Variants in MTA3 observed in about 807,000 individuals in gnomAD.
MTA3 encodes the protein metastasis associated 1 family member 3, also known as metastasis-associated protein MTA3.
Under a neutral mutation model 83.5 loss-of-function variants are expected in MTA3, and 34 were observed. The observed-to-expected ratio is 0.41, with a 90% CI of 0.31 to 0.54. The LOEUF (loss-of-function observed/expected upper bound fraction) is 0.54, where lower values mean the gene tolerates loss of function less well. Among genes scored for constraint, MTA3 ranks in the 20% least tolerant of loss-of-function variants. The pLI, the probability that MTA3 is intolerant of heterozygous loss-of-function variation, is 0.33. For synonymous variants in MTA3, 303 were observed against 252.7 expected (o/e 1.20, Z -1.89); for missense variants, 761 against 726.4 (o/e 1.05, Z -0.55).
At chr2:42,652,897 T>A (rs1415773646) in intron 6 of MTA3, among the ~76,000 whole-genome samples, 1 of 152,150 alleles carries the variant, frequency 6.6e-6, no homozygotes, top group Non-Finnish European at 1.5e-5. Context: ...ACATATAATA[T>A]AAAAAGTATA....
rs181833503 is a variant in MTA3, at chr2:42,661,258, G to T, written c.702+1396G>T. ...TTTAAAAATCAGATATTTCACTTTG[G>T]GGGGCTGAGGCCAGTGGATTGCTTG... is the stretch of plus-strand genomic sequence containing the variant. On this transcript the variant is annotated intron_variant, in intron 8 of 16. Coordinates refer to ENST00000405094, the MANE Select transcript of MTA3 (RefSeq NM_001330442.2). Among the ~76,000 whole-genome samples, 51 of 152,114 alleles carry T rather than the reference G, an allele frequency of 3.4e-4. No homozygotes were observed. In the East Asian group the frequency reaches 8.3e-3, roughly 25 times the overall value.
chr2:42,624,276 T>C (rs926733789), intron 4 of MTA3, among the ~76,000 whole-genome samples: 1 of 152,080 alleles, frequency 6.6e-6, no homozygotes, highest in African/African-American at 2.4e-5. Flanking sequence ...TTTTTATTAA[T>C]TTTCATTTTG....
intron 2 of MTA3, among the ~76,000 whole-genome samples, chr2:42,520,861 C>T (rs1460221442): frequency 6.6e-6 from 1 of 152,152 alleles, no homozygotes; most frequent in Non-Finnish European, 1.5e-5. Context: ...CCACCACGCC[C>T]AGCCTGGTTC....
chr2:42,507,153 G>A (rs1019286467), intron 2 of MTA3, among the ~76,000 whole-genome samples: 10 of 151,988 alleles, frequency 6.6e-5, no homozygotes, highest in African/African-American at 2.2e-4. Context: ...TTCCCACCTC[G>A]GCTTCCAAAA....
chr2:42,652,981 G>A (rs565675700), intron 6 of MTA3, among the ~76,000 whole-genome samples: 190 of 152,214 alleles, frequency 1.2e-3, no homozygotes, highest in African/African-American at 4.4e-3. Flanking sequence ...CCTAGGAAAG[G>A]GCCTTTAGGA....
chr2:42,753,628 C>T lies in MTA3; in HGVS notation c.*229C>T, dbSNP rs753659854. The T allele has an allele frequency of 2.9e-5, 39 of 1,350,840 alleles. No individual in the cohort carries two copies. The highest frequency in any genetic ancestry group is 1.2e-4 in the African/African-American group (8 of 67,020). The allele number at this position is 1,350,840 out of a possible 1,614,324, so 83.7% of individuals were successfully genotyped here. ...CACCTCGCTTTCTTGTCAGAGACCT[C>T]GCTGTTACGGAGCGAGACCTGCTGA... On this transcript the variant is annotated 3_prime_UTR_variant, in exon 17 of 17. Coordinates refer to ENST00000405094, the MANE Select transcript of MTA3 (RefSeq NM_001330442.2).
At chr2:42,531,746 C>T (rs993475241) in intron 2 of MTA3, among the ~76,000 whole-genome samples, 20 of 151,762 alleles carry the variant, frequency 1.3e-4, no homozygotes, top group African/African-American at 4.1e-4. Flanking sequence ...CCACTGGGCC[C>T]GGCCAAAATC....
At chr2:42,554,828 A>C (rs1314304726) in intron 2 of MTA3, among the ~76,000 whole-genome samples, 4 of 152,172 alleles carry the variant, frequency 2.6e-5, no homozygotes, top group Non-Finnish European at 1.5e-5. Flanking sequence ...TGGGATGGGA[A>C]GAATCACTAC....
Position 42,510,107 on chromosome 2 carries a change from C to G in MTA3, c.-141+14853C>G, listed in dbSNP as rs1186665605. ...TTGGGGGGCCAAGGTGGATGGATCA[C>G]TTGAGGTCAGGAGTTCAAGACCAGC... On this transcript the variant is annotated intron_variant, in intron 2 of 17. Coordinates refer to the MTA3 transcript ENST00000405592. Among the ~76,000 whole-genome samples, 7 of 152,218 alleles carry G rather than the reference C, an allele frequency of 4.6e-5. No homozygotes were observed. In the East Asian group the frequency reaches 1.4e-3, roughly 29 times the overall value.
At chr2:42,635,966 A>G (rs574104896) in intron 4 of MTA3, among the ~76,000 whole-genome samples, 2 of 152,206 alleles carry the variant, frequency 1.3e-5, no homozygotes, top group South Asian at 4.1e-4. Flanking sequence ...GAGTTTCACC[A>G]TGTTGCCCAG....
chr2:42,624,629 T>C (rs1003498220), intron 4 of MTA3, among the ~76,000 whole-genome samples: 1 of 151,920 alleles, frequency 6.6e-6, no homozygotes, highest in African/African-American at 2.4e-5. Flanking sequence ...CCCAGCCTCT[T>C]TTTTTGTTTT....
intron 2 of MTA3, among the ~76,000 whole-genome samples, chr2:42,513,715 A>T (rs995144316): frequency 6.6e-6 from 1 of 152,230 alleles, no homozygotes; most frequent in Admixed American, 6.5e-5. Flanking sequence ...CCTGAAGCCC[A>T]GAGTGCTGGA....
intron 9 of MTA3, among the ~76,000 whole-genome samples, chr2:42,690,249 C>T (rs1692760350): frequency 1.3e-5 from 2 of 152,198 alleles, no homozygotes; most frequent in Admixed American, 1.3e-4. Context: ...AATGGCAGTA[C>T]AACGATGAAT....
intron 16 of MTA3, among the ~76,000 whole-genome samples, chr2:42,738,765 C>A (rs754640177): frequency 2.0e-5 from 3 of 152,152 alleles, no homozygotes; most frequent in Non-Finnish European, 4.4e-5. Flanking sequence ...AAAGAGAATG[C>A]GCACGTAGGG....
chr2:42,710,621 T>C (rs563811199), intron 14 of MTA3, among the ~76,000 whole-genome samples: 148 of 151,596 alleles, frequency 9.8e-4, no homozygotes, highest in African/African-American at 3.3e-3. Context: ...GATTACTATA[T>C]TAGATTCATG....
intron 15 of MTA3, among the ~76,000 whole-genome samples, chr2:42,720,651 A>G (rs932272555): frequency 1.3e-5 from 2 of 151,820 alleles, no homozygotes; most frequent in African/African-American, 2.4e-5. Flanking sequence ...TGCATGGGAA[A>G]GTTTCTGATC....
chr2:42,739,251 C>G lies in MTA3; in HGVS notation c.1760-14123C>G, dbSNP rs142736506. ...GTACACTGTCCCTTTATTTCTCAAGCCAGCCGACACTTAGGAAAATAGAAA... is the reference window on the plus strand; with the variant it reads ...GTACACTGTCCCTTTATTTCTCAAGGCAGCCGACACTTAGGAAAATAGAAA... On this transcript the variant is annotated intron_variant, in intron 16 of 16. Transcript: ENST00000405094. Among the ~76,000 whole-genome samples the G allele has an allele frequency of 4.9e-3, 740 of 152,210 alleles. 10 individuals carry two copies. The highest frequency in any genetic ancestry group is 0.017 in the African/African-American group (708 of 41,524).
chr2:42,583,848 T>C (rs1465268804), intron 3 of MTA3, among the ~76,000 whole-genome samples: 1 of 149,854 alleles, frequency 6.7e-6, no homozygotes, highest in Non-Finnish European at 1.5e-5. Flanking sequence ...ACTCTTTTTT[T>C]GTTTTGTTTT....
intron 4 of MTA3, among the ~76,000 whole-genome samples, chr2:42,611,862 T>G (rs1211490412): frequency 6.6e-6 from 1 of 152,060 alleles, no homozygotes; most frequent in African/African-American, 2.4e-5. Flanking sequence ...GATAGAGAGA[T>G]ATGGAGCTGG....
Sources: gnomAD v4.1 joint callset for allele counts (sites outside exome capture counted in the v4.1 genomes callset) on GRCh38, gnomAD v4.1.1 for gene constraint, MANE v1.5 for transcripts, NCBI Gene and HGNC (gene_info 2026-07-23, HGNC 2026-07-21) for gene names.